SHISA9: variants seen among roughly 807,000 people sequenced by gnomAD.
The protein encoded by SHISA9 is protein shisa-9.
Under a neutral mutation model 38.0 loss-of-function variants are expected in SHISA9, and 13 were observed. The ratio of observed to expected loss-of-function variants is 0.34; its 90% CI spans 0.22 to 0.54. The LOEUF is 0.54. Ranked by LOEUF, SHISA9 falls within the 20% of genes least tolerant of loss-of-function variation. The pLI is 0.91. For synonymous variants in SHISA9, 275 were observed against 242.0 expected (o/e 1.14, Z -1.27); for missense variants, 538 against 575.8 (o/e 0.93, Z 0.67).
chr16:13,536,515 C>G, the SHISA9 span, among the ~76,000 whole-genome samples: 1 of 152,086 alleles, frequency 6.6e-6, no homozygotes, highest in Non-Finnish European at 1.5e-5. Flanking sequence ...TAAGAACAAA[C>G]GAATAAGCCC....
chr16:13,219,308 A>G (rs562044848), intron 4 of SHISA9, among the ~76,000 whole-genome samples: 2 of 152,250 alleles, frequency 1.3e-5, no homozygotes, highest in East Asian at 1.9e-4. Flanking sequence ...ATCAACATAT[A>G]TTTTGTTAAT....
the SHISA9 span, among the ~76,000 whole-genome samples, chr16:13,314,321 C>T: frequency 3.3e-5 from 5 of 152,034 alleles, no homozygotes; most frequent in South Asian, 1.0e-3. Flanking sequence ...TCAACCAATT[C>T]TCCTGCCTCA....
Position 13,236,628 on chromosome 16 carries a change from T to C in SHISA9, c.*1219T>C, listed in dbSNP as rs1455091604. The stretch of plus-strand genomic sequence containing the variant: ...AGTGCAACCTGTGTTCTTTTAGCCT[T>C]CCTTCCTCTTCTTTTTCTGCAGTAG... On this transcript the variant is annotated 3_prime_UTR_variant, in exon 5 of 5. Coordinates refer to ENST00000558583, the MANE Select transcript of SHISA9 (RefSeq NM_001145204.3). 2 of 152,298 alleles carry C rather than the reference T, an allele frequency of 1.3e-5. No individual in the cohort carries two copies. Among genetic ancestry groups the C allele is most frequent in the Admixed American group, 1.3e-4 (2 of 15,278 alleles). 9.4% of individuals were successfully genotyped at this position (152,298 alleles called of 1,614,324 possible). A position where few individuals can be genotyped will look rare whatever the true frequency, so the allele number is the denominator to read the frequency against.
At chr16:13,419,063 G>A in the SHISA9 span, among the ~76,000 whole-genome samples, 1 of 152,184 alleles carries the variant, frequency 6.6e-6, no homozygotes, top group African/African-American at 2.4e-5. Context: ...ATAAACCCAC[G>A]TGTATGAACT....
rs536646863 is a variant in SHISA9 at position 13,088,421 on chromosome 16, C to T, written c.692-114973C>T. On this transcript the variant is annotated intron_variant, in intron 2 of 4. Coordinates refer to ENST00000558583, the MANE Select transcript of SHISA9 (RefSeq NM_001145204.3). ...ACCTTGGGCAATATGGCCATTTTCA[C>T]GATATTGATTCTTCCTATCCATGAG... Among the ~76,000 whole-genome samples, 45 of 152,246 alleles carry T rather than the reference C, an allele frequency of 3.0e-4. No individual in the cohort carries two copies. The East Asian group carries it at 7.5e-3, about 25-fold the overall frequency.
At chr16:13,050,360 C>A (rs1228434782) in intron 2 of SHISA9, among the ~76,000 whole-genome samples, 1 of 152,050 alleles carries the variant, frequency 6.6e-6, no homozygotes, top group East Asian at 1.9e-4. Context: ...TTAAATGGGT[C>A]TGGCTCCGTC....
At chr16:12,951,103 C>A (rs1018162065) in intron 2 of SHISA9, among the ~76,000 whole-genome samples, 1 of 150,030 alleles carries the variant, frequency 6.7e-6, no homozygotes, top group Admixed American at 6.7e-5. Flanking sequence ...CACCTGTAAT[C>A]CCAGCTACTT....
chr16:13,452,105 C>G, the SHISA9 span, among the ~76,000 whole-genome samples: 1 of 152,194 alleles, frequency 6.6e-6, no homozygotes, highest in African/African-American at 2.4e-5. Context: ...ACAGCCTTCT[C>G]CAGTGTCTAT....
intron 2 of SHISA9, among the ~76,000 whole-genome samples, chr16:13,187,485 C>A (rs917963310): frequency 6.6e-6 from 1 of 151,882 alleles, no homozygotes; most frequent in Non-Finnish European, 1.5e-5. Flanking sequence ...CAGACGTGCA[C>A]CACCACACTG....
At chr16:13,229,395 A>T (rs1298426157) in intron 4 of SHISA9, among the ~76,000 whole-genome samples, 1 of 152,212 alleles carries the variant, frequency 6.6e-6, no homozygotes, top group Non-Finnish European at 1.5e-5. Context: ...ACCTCAGGGG[A>T]GAGGCAGCTG....
chr16:13,409,965 G>A, the SHISA9 span, among the ~76,000 whole-genome samples: 1 of 152,224 alleles, frequency 6.6e-6, no homozygotes, highest in African/African-American at 2.4e-5. Flanking sequence ...AATACATAAT[G>A]TAAGTAAACT....
the SHISA9 span, among the ~76,000 whole-genome samples, chr16:13,313,421 A>C: frequency 6.6e-6 from 1 of 152,178 alleles, no homozygotes; most frequent in African/African-American, 2.4e-5. Flanking sequence ...AATGAACCCA[A>C]CTCCCAACCA....
At chr16:13,039,182 T>C (rs1031383076) in intron 2 of SHISA9, among the ~76,000 whole-genome samples, 1 of 152,200 alleles carries the variant, frequency 6.6e-6, no homozygotes, top group African/African-American at 2.4e-5. Context: ...CTGCTGGGAT[T>C]ACAGGCATAA....
the SHISA9 span, among the ~76,000 whole-genome samples, chr16:13,358,537 C>G: frequency 6.6e-6 from 1 of 152,196 alleles, no homozygotes; most frequent in African/African-American, 2.4e-5. Flanking sequence ...TAAGTAGATG[C>G]TAATACAATT....
chr16:12,917,847 C>T (rs1205464018), intron 2 of SHISA9, among the ~76,000 whole-genome samples: 1 of 152,114 alleles, frequency 6.6e-6, no homozygotes, highest in Non-Finnish European at 1.5e-5. Flanking sequence ...CTAGGAGTTG[C>T]CTGGGTGTTT....
chr16:13,003,682 A>AC (rs1224963058), intron 2 of SHISA9, among the ~76,000 whole-genome samples: 4 of 152,046 alleles, frequency 2.6e-5, no homozygotes, highest in African/African-American at 9.7e-5. Context: ...GTATGGTGAA[A>AC]CCCCATCTCT....
chr16:13,373,756 G>A, the SHISA9 span, among the ~76,000 whole-genome samples: 1 of 86,594 alleles, frequency 1.2e-5, no homozygotes, highest in African/African-American at 5.6e-5. Context: ...GCGAGACTCC[G>A]TCTCAAAAAA....
Position 13,227,328 on chromosome 16 carries a change from G to A in SHISA9, c.896-7702G>A, listed in dbSNP as rs548577150. Among the ~76,000 whole-genome samples, 7 of 152,334 alleles carry A rather than the reference G, an allele frequency of 4.6e-5. No homozygotes were observed. The East Asian group carries it at 9.7e-4, about 21-fold the overall frequency. On this transcript the variant is annotated intron_variant, in intron 4 of 4. Transcript: ENST00000558583. The stretch of plus-strand genomic sequence containing the variant: ...TGAAGTAGAACAATGTTCAAAGGGG[G>A]TAGGAGAAAGGGAATAGGTTAAGGA...
chr16:12,964,383 TG>T (rs1273963221), intron 2 of SHISA9, among the ~76,000 whole-genome samples: 1 of 142,300 alleles, frequency 7.0e-6, no homozygotes, highest in Non-Finnish European at 1.6e-5. Context: ...TTGGACTTTC[TG>T]TTTTTTTTTT....
Sources: gnomAD v4.1 joint callset for allele counts (sites outside exome capture counted in the v4.1 genomes callset) on GRCh38, gnomAD v4.1.1 for gene constraint, MANE v1.5 for transcripts, NCBI Gene and HGNC (gene_info 2026-07-23, HGNC 2026-07-21) for gene names.